The following TENM4 variants were observed in gnomAD, a reference collection of about 807,000 sequenced individuals.
TENM4 encodes the protein teneurin transmembrane protein 4, also known as teneurin-4.
TENM4 carries 82 observed loss-of-function variants against 243.3 expected under a neutral mutation model. The observed-to-expected ratio is 0.34, with a 90% CI of 0.28 to 0.40. TENM4 has a LOEUF of 0.40. Ranked by LOEUF, TENM4 falls within the 10% of genes least tolerant of loss-of-function variation. The pLI is 1.00. For synonymous variants in TENM4, 1,412 were observed against 1,456.3 expected, an observed-to-expected ratio of 0.97 and a Z score of 0.69; for missense variants, 3,138 against 3,673.3, an observed-to-expected ratio of 0.85 and a Z score of 3.77.
intron 4 of TENM4, among the ~76,000 whole-genome samples, chr11:79,135,748 TA>T (rs1397497948): frequency 7.4e-6 from 1 of 135,670 alleles, no homozygotes. Context: ...ACATCATATA[TA>T]CATATATGTA....
intron 1 of TENM4, among the ~76,000 whole-genome samples, chr11:79,386,601 A>G (rs1858116395): frequency 6.6e-6 from 1 of 152,200 alleles, no homozygotes; most frequent in African/African-American, 2.4e-5. Flanking sequence ...TTGAACAGGC[A>G]TTTCACAAAA....
chr11:79,120,249 C>T (rs1188780566), intron 4 of TENM4, among the ~76,000 whole-genome samples: 1 of 152,202 alleles, frequency 6.6e-6, no homozygotes, highest in African/African-American at 2.4e-5. Context: ...GGACCATCTA[C>T]TTCCCTAAGA....
At chr11:78,920,618 T>G (rs945997230) in intron 6 of TENM4, among the ~76,000 whole-genome samples, 1 of 152,164 alleles carries the variant, frequency 6.6e-6, no homozygotes. Context: ...GAGGATGAAC[T>G]ACCTCATCCT....
At chr11:79,054,512 T>G (rs1030693407) in intron 6 of TENM4, among the ~76,000 whole-genome samples, 1 of 152,012 alleles carries the variant, frequency 6.6e-6, no homozygotes, top group African/African-American at 2.4e-5. Context: ...CTTTTTTTTT[T>G]TTTTGAGACA....
chr11:78,943,278 G>T lies in TENM4; in HGVS notation c.494-39755C>A, dbSNP rs143362533. Among the ~76,000 whole-genome samples, 425 of 152,342 alleles carry T rather than the reference G, an allele frequency of 2.8e-3. 2 individuals are homozygous for T. Among genetic ancestry groups the T allele is most frequent in the African/African-American group, 9.4e-3 (392 of 41,580 alleles). On this transcript the variant is annotated intron_variant, in intron 6 of 33. Transcript: ENST00000278550. ...AGGAAATTTTCCAGTCCTAAAGGAA[G>T]TATGTTCTGAAGCTTGAGTTATGTT...
chr11:78,892,358 A>G (rs1855688135), intron 7 of TENM4, among the ~76,000 whole-genome samples: 1 of 152,200 alleles, frequency 6.6e-6, no homozygotes, highest in Admixed American at 6.5e-5. Context: ...GCATGCACCC[A>G]AGAAAGGAAC....
chr11:79,243,648 C>G (rs1855463323), intron 2 of TENM4, among the ~76,000 whole-genome samples: 1 of 152,164 alleles, frequency 6.6e-6, no homozygotes. Flanking sequence ...AGAAGGTCAC[C>G]CGCTCACCAG....
rs139784035 is a variant in TENM4 at position 78,933,351 on chromosome 11, C to T, written c.494-29828G>A. Among the ~76,000 whole-genome samples the T allele has an allele frequency of 3.2e-3, 488 of 152,240 alleles. 3 individuals carry two copies. Among genetic ancestry groups the T allele is most frequent in the African/African-American group, 0.011 (457 of 41,542 alleles). On this transcript the variant is annotated intron_variant, in intron 6 of 33. Coordinates refer to ENST00000278550, the MANE Select transcript of TENM4 (RefSeq NM_001098816.3). ...CGGCAGCAATAATTATTACAACACA[C>T]GTGAAGGAGTGGGGAAATTAAAATG...
chr11:79,296,816 AC>A (rs1856462662), intron 2 of TENM4, among the ~76,000 whole-genome samples: 1 of 152,180 alleles, frequency 6.6e-6, no homozygotes, highest in Non-Finnish European at 1.5e-5. Context: ...ATCACAAAGT[AC>A]CCTTCAAACT....
At chr11:79,418,779 C>T (rs1858872102) in intron 1 of TENM4, among the ~76,000 whole-genome samples, 1 of 152,220 alleles carries the variant, frequency 6.6e-6, no homozygotes. Flanking sequence ...ACTCCAATTA[C>T]TCCATTACGT....
rs765617617 is a variant in TENM4 at position 78,669,256 on chromosome 11, G to T, written c.7089C>A (p.Ile2363=). The T allele has an allele frequency of 6.2e-7, 1 of 1,613,982 alleles. No individual in the cohort carries two copies. The highest frequency in any genetic ancestry group is 2.2e-5 in the East Asian group (1 of 44,884). ...GDEFYIACDN[I]GTPLAVFSGT... is the part of the protein sequence containing the mutation. ...CACTAAAGACAGCAAGAGGGGTCCCGATGTTGTCACAAGCTATGTAAAACT... is the reference window on the plus strand; with the variant it reads ...CACTAAAGACAGCAAGAGGGGTCCCTATGTTGTCACAAGCTATGTAAAACT... Residue 2363 remains isoleucine (I), a synonymous_variant, in exon 32 of 34, where the codon ATC becomes ATA. Coordinates refer to ENST00000278550, the MANE Select transcript of TENM4 (RefSeq NM_001098816.3). This position sits in a 1 kb window ranked among gnomAD's most constrained non-coding sequence, Gnocchi z 6.4.
At chr11:78,717,615 A>G (rs1196849395) in intron 25 of TENM4, among the ~76,000 whole-genome samples, 1 of 152,216 alleles carries the variant, frequency 6.6e-6, no homozygotes, top group East Asian at 1.9e-4. Context: ...TAAACCTCTG[A>G]GCATAGTGCC....
chr11:79,393,720 G>A (rs1031721199), intron 1 of TENM4, among the ~76,000 whole-genome samples: 3 of 152,220 alleles, frequency 2.0e-5, no homozygotes, highest in African/African-American at 7.2e-5. Context: ...CTTACTGAAG[G>A]GACTCGGTGT....
At chr11:79,432,141 TAGTG>T (rs1261253544) in intron 1 of TENM4, among the ~76,000 whole-genome samples, 1 of 152,242 alleles carries the variant, frequency 6.6e-6, no homozygotes, top group Non-Finnish European at 1.5e-5. Context: ...CTAGATTATC[TAGTG>T]CATTGCTCAA....
chr11:79,006,791 T>C (rs1858495791), intron 6 of TENM4, among the ~76,000 whole-genome samples: 1 of 152,238 alleles, frequency 6.6e-6, no homozygotes, highest in Admixed American at 6.5e-5. Context: ...GCTTAAAAGA[T>C]GAGTTCTTGT....
intron 2 of TENM4, among the ~76,000 whole-genome samples, chr11:79,284,308 A>T (rs1326604256): frequency 9.9e-5 from 15 of 152,220 alleles, no homozygotes; most frequent in Admixed American, 9.8e-4. Flanking sequence ...GTCAAAATTT[A>T]CTACGAAGCT....
At position 78,805,403 on chromosome 11, in the gene TENM4, C is replaced by T. The variant is rs779526196; in HGVS notation, c.2068G>A (p.Glu690Lys). 38 of 1,606,140 alleles carry T rather than the reference C, an allele frequency of 2.4e-5. No individual in the cohort carries two copies. The East Asian group carries it at 5.2e-4, about 22-fold the overall frequency. The change falls in exon 15 of 34, where the codon GAG (glutamate) becomes AAG (lysine). Residue 690 changes from glutamate to lysine, a missense_variant. By Grantham distance (56) the Glu-to-Lys change is moderately conservative. Around this residue, in one of 2 missense-constraint regions of TENM4, gnomAD observed 2,467 missense variants for 3,059.1 expected, o/e 0.81. Coordinates refer to ENST00000278550, the MANE Select transcript of TENM4 (RefSeq NM_001098816.3). ...CSVGWGGTNC[E>K]TPRATCLDQC... ...TCTAAGCATGTGGCCCTGGGGGTCT[C>T]GCAGTTGGTGCCTCCCCATCCCACA... is the stretch of plus-strand genomic sequence containing the variant.
At chr11:79,214,319 C>A (rs1864009035) in intron 3 of TENM4, among the ~76,000 whole-genome samples, 1 of 152,076 alleles carries the variant, frequency 6.6e-6, no homozygotes, top group South Asian at 2.1e-4. Context: ...ATTAATGGAG[C>A]TCCTCAGAGA....
At chr11:78,951,195 C>A (rs527593122) in intron 6 of TENM4, among the ~76,000 whole-genome samples, 1 of 152,242 alleles carries the variant, frequency 6.6e-6, no homozygotes, top group African/African-American at 2.4e-5. Flanking sequence ...CCCCTGTCTG[C>A]GCAGAGGACT....
Sources: gnomAD v4.1 joint callset for allele counts (sites outside exome capture counted in the v4.1 genomes callset) on GRCh38, gnomAD v4.1.1 for gene constraint, gnomAD v4.1.1 regional missense constraint, Gnocchi (gnomAD v3.1) non-coding constraint, MANE v1.5 for transcripts, NCBI Gene and HGNC (gene_info 2026-07-23, HGNC 2026-07-21) for gene names.